CSGALNACT1: variants seen among roughly 807,000 people sequenced by gnomAD.
CSGALNACT1 encodes the protein chondroitin sulfate N-acetylgalactosaminyltransferase 1, also known as beta4GalNAcT-1.
A neutral mutation model predicts 51.0 loss-of-function variants in CSGALNACT1; 52 were observed. That is an observed-to-expected ratio of 1.02 (90% CI 0.82 to 1.29). The LOEUF (loss-of-function observed/expected upper bound fraction) is 1.29. Ranked by LOEUF, CSGALNACT1 falls within the 50% of genes most tolerant of loss-of-function variation. The pLI is 0.00. For missense variants in CSGALNACT1, 935 were observed against 679.2 expected, an observed-to-expected ratio of 1.38 and a Z score of -4.19; for synonymous variants, 341 against 254.4, an observed-to-expected ratio of 1.34 and a Z score of -3.24.
At chr8:19,551,856 G>A (rs1261075981) in intron 3 of CSGALNACT1, among the ~76,000 whole-genome samples, 1 of 152,046 alleles carries the variant, frequency 6.6e-6, no homozygotes, top group African/African-American at 2.4e-5. Flanking sequence ...AGTCTTAGGA[G>A]GACAAAGAGA....
At chr8:19,638,150 C>A (rs1165619539) in intron 1 of CSGALNACT1, among the ~76,000 whole-genome samples, 1 of 79,994 alleles carries the variant, frequency 1.3e-5, no homozygotes, top group Non-Finnish European at 2.7e-5. Context: ...GCTTCCCAGG[C>A]CCTCCTTTGT....
At chr8:19,721,261 T>C (rs2063114143) in intron 1 of CSGALNACT1, among the ~76,000 whole-genome samples, 1 of 152,072 alleles carries the variant, frequency 6.6e-6, no homozygotes, top group Admixed American at 6.5e-5. Context: ...GTGAAACTGA[T>C]CTCCAGGCCC....
At chr8:19,499,346 T>C (rs2076028219) in intron 4 of CSGALNACT1, among the ~76,000 whole-genome samples, 1 of 152,126 alleles carries the variant, frequency 6.6e-6, no homozygotes, top group Non-Finnish European at 1.5e-5. Flanking sequence ...ATTCTTGAAA[T>C]AAGGACTGAG....
At chr8:19,504,757 C>T (rs2076993497) in intron 4 of CSGALNACT1, among the ~76,000 whole-genome samples, 1 of 152,186 alleles carries the variant, frequency 6.6e-6, no homozygotes, top group Non-Finnish European at 1.5e-5. Flanking sequence ...ACCTCCATTT[C>T]CTCATTCCCT....
chr8:19,442,507 G>A (rs2061481503), intron 5 of CSGALNACT1, among the ~76,000 whole-genome samples: 1 of 150,240 alleles, frequency 6.7e-6, no homozygotes, highest in African/African-American at 2.5e-5. Context: ...ACTCATAGGT[G>A]GGAATTGAAC....
intron 4 of CSGALNACT1, among the ~76,000 whole-genome samples, chr8:19,483,295 T>C (rs1049453270): frequency 1.3e-5 from 2 of 152,362 alleles, no homozygotes; most frequent in East Asian, 3.9e-4. Context: ...AATGGCTCCC[T>C]GGTTTCATTA....
chr8:19,550,006 G>C (rs920485271), intron 3 of CSGALNACT1, among the ~76,000 whole-genome samples: 6 of 152,074 alleles, frequency 3.9e-5, no homozygotes, highest in African/African-American at 1.4e-4. Flanking sequence ...GATGTGTCCT[G>C]GAGTTGGTCT....
chr8:19,451,591 A>G, intron 5 of CSGALNACT1, among the ~76,000 whole-genome samples: 1 of 152,026 alleles, frequency 6.6e-6, no homozygotes, highest in East Asian at 1.9e-4. Flanking sequence ...TCCAGAATAT[A>G]CCCGTGCCTG....
At chr8:19,629,539 G>A (rs189603335) in intron 1 of CSGALNACT1, among the ~76,000 whole-genome samples, 8 of 152,364 alleles carry the variant, frequency 5.3e-5, no homozygotes, top group South Asian at 4.1e-4. Context: ...AATGCAAACC[G>A]AGGCATATCT....
At chr8:19,714,107 C>A (rs952761861) in intron 1 of CSGALNACT1, among the ~76,000 whole-genome samples, 7 of 152,308 alleles carry the variant, frequency 4.6e-5, no homozygotes, top group African/African-American at 1.7e-4. Flanking sequence ...TTTCTCCTTT[C>A]AAAGGCTAAT....
chr8:19,465,501 T>A (rs1446669948), intron 4 of CSGALNACT1, among the ~76,000 whole-genome samples: 1 of 152,234 alleles, frequency 6.6e-6, no homozygotes, highest in Admixed American at 6.5e-5. Flanking sequence ...TGGTGAATGC[T>A]ATACGTATTG....
chr8:19,628,062 G>A (rs1434702026), intron 1 of CSGALNACT1, among the ~76,000 whole-genome samples: 1 of 152,148 alleles, frequency 6.6e-6, no homozygotes, highest in African/African-American at 2.4e-5. Flanking sequence ...GCTAGTATTT[G>A]TTGAGCACTG....
chr8:19,509,048 G>C (rs1385321355), intron 3 of CSGALNACT1, among the ~76,000 whole-genome samples: 4 of 152,146 alleles, frequency 2.6e-5, no homozygotes, highest in East Asian at 1.9e-4. Context: ...ATAACAAAAA[G>C]TCATAAGAAC....
intron 3 of CSGALNACT1, among the ~76,000 whole-genome samples, chr8:19,583,809 G>C (rs1210678779): frequency 6.6e-6 from 1 of 152,174 alleles, no homozygotes; most frequent in Non-Finnish European, 1.5e-5. Flanking sequence ...AAAAAATAAT[G>C]ATTGCTCTGC....
intron 1 of CSGALNACT1, among the ~76,000 whole-genome samples, chr8:19,650,905 T>C (rs1034306544): frequency 5.3e-5 from 8 of 152,170 alleles, no homozygotes; most frequent in Non-Finnish European, 1.2e-4. Context: ...CCCGTGTCCT[T>C]AGCAATTTTA....
At chr8:19,602,719 C>A (rs530558797), upstream of CSGALNACT1, 5 of 152,218 alleles carry the variant, frequency 3.3e-5, no homozygotes, top group South Asian at 1.0e-3. Flanking sequence ...TTAGGAATAT[C>A]AATGGAGGAA....
At chr8:19,562,185 A>C (rs1486532573) in intron 3 of CSGALNACT1, among the ~76,000 whole-genome samples, 1 of 152,188 alleles carries the variant, frequency 6.6e-6, no homozygotes, top group African/African-American at 2.4e-5. Flanking sequence ...GGCTATATCA[A>C]ATAGAACCCA....
chr8:19,588,738 T>C (rs1408282821), intron 3 of CSGALNACT1, among the ~76,000 whole-genome samples: 2 of 152,210 alleles, frequency 1.3e-5, no homozygotes, highest in African/African-American at 2.4e-5. Flanking sequence ...AAAGAAATTA[T>C]TCCAGCTGCT....
chr8:19,458,721 C>A lies in CSGALNACT1; in HGVS notation c.635-79G>T, dbSNP rs1044613650. The A allele has an allele frequency of 1.3e-5, 17 of 1,291,810 alleles. No individual in the cohort carries two copies. The African/African-American group carries it at 2.3e-4, about 18-fold the overall frequency. 80.0% of individuals were successfully genotyped at this position (1,291,810 alleles called of 1,614,324 possible). ...AGTGTTTTTCAACCGAGATCTAGCACAGAATGCCTTTAAAAAGTGTTTAAG... is the reference window on the plus strand; with the variant it reads ...AGTGTTTTTCAACCGAGATCTAGCAAAGAATGCCTTTAAAAAGTGTTTAAG... On this transcript the variant is annotated intron_variant, in intron 4 of 9. Coordinates refer to ENST00000454498, the Ensembl canonical transcript of CSGALNACT1.
Sources: allele counts gnomAD v4.1 joint callset (sites outside exome capture counted in the v4.1 genomes callset), GRCh38; gene constraint gnomAD v4.1.1; transcripts MANE v1.5; gene names NCBI Gene and HGNC (gene_info 2026-07-23, HGNC 2026-07-21).